Variants in GLG1 observed in about 807,000 individuals in gnomAD.
GLG1 encodes Golgi apparatus protein 1.
A neutral mutation model predicts 160.5 loss-of-function variants in GLG1; 38 were observed. The observed-to-expected ratio is 0.24, with a 90% CI of 0.18 to 0.31. The LOEUF (loss-of-function observed/expected upper bound fraction) is 0.31, where lower values mean the gene tolerates loss of function less well. GLG1 is among the 10% of genes least tolerant of loss of function. The pLI is 1.00. For synonymous variants in GLG1, 644 were observed against 543.4 expected (o/e 1.19, Z -2.57); for missense variants, 1,373 against 1,505.2 (o/e 0.91, Z 1.45).
chr16:74,591,285 C>G (rs972499178), intron 1 of GLG1, among the ~76,000 whole-genome samples: 1 of 151,022 alleles, frequency 6.6e-6, no homozygotes, highest in African/African-American at 2.4e-5. Context: ...GAGCCAACAT[C>G]GTGCCACTGC....
chr16:74,558,893 T>A (rs925967476), intron 1 of GLG1, among the ~76,000 whole-genome samples: 3 of 152,212 alleles, frequency 2.0e-5, no homozygotes, highest in Non-Finnish European at 4.4e-5. Context: ...TTTTTACTTT[T>A]TATATTTTCT....
chr16:74,464,688 C>T (rs1360338914), intron 19 of GLG1, among the ~76,000 whole-genome samples: 2 of 152,168 alleles, frequency 1.3e-5, no homozygotes, highest in East Asian at 1.9e-4. Context: ...TCCATTTTTA[C>T]ATATGACTCA....
chr16:74,562,097 A>G (rs2018529035), intron 1 of GLG1, among the ~76,000 whole-genome samples: 1 of 152,250 alleles, frequency 6.6e-6, no homozygotes, highest in African/African-American at 2.4e-5. Flanking sequence ...AACAGTAGCT[A>G]AAAGGTTGTC....
intron 2 of GLG1, among the ~76,000 whole-genome samples, chr16:74,529,812 C>CTTTT (rs1178684020): frequency 7.0e-4 from 81 of 115,760 alleles, no homozygotes; most frequent in African/African-American, 8.5e-4. Flanking sequence ...TTTGAGAGTT[C>CTTTT]TTTTTTTTTT....
At chr16:74,471,837 T>C (rs1473032928) in intron 14 of GLG1, among the ~76,000 whole-genome samples, 3 of 152,234 alleles carry the variant, frequency 2.0e-5, no homozygotes, top group Admixed American at 6.5e-5. Context: ...GCTGGCCACA[T>C]ACCTGTTTTT....
intron 8 of GLG1, among the ~76,000 whole-genome samples, chr16:74,490,016 G>A (rs2015927118): frequency 6.6e-6 from 1 of 152,160 alleles, no homozygotes. Flanking sequence ...GACTGATTGT[G>A]GCTTTCTAAA....
chr16:74,577,152 C>G (rs1209438128), intron 1 of GLG1, among the ~76,000 whole-genome samples: 1 of 152,160 alleles, frequency 6.6e-6, no homozygotes, highest in Non-Finnish European at 1.5e-5. Flanking sequence ...TCTCAAACTC[C>G]TGGGCTCAAG....
intron 2 of GLG1, among the ~76,000 whole-genome samples, chr16:74,512,365 G>A (rs1250422346): frequency 6.6e-6 from 1 of 151,470 alleles, no homozygotes; most frequent in African/African-American, 2.4e-5. Flanking sequence ...CCGGGTTCAA[G>A]CAATTCTCCT....
chr16:74,451,762 T>C lies in GLG1; in HGVS notation c.*1405A>G. Reference sequence around the variant, plus strand: ...ACCAAAGGAGTGCCACGCTGAACCATGATGCCCGGACCCCTCCCTCTCACA... The same window carrying C: ...ACCAAAGGAGTGCCACGCTGAACCACGATGCCCGGACCCCTCCCTCTCACA... On this transcript the variant is annotated 3_prime_UTR_variant, in exon 26 of 26. Coordinates refer to ENST00000422840, the MANE Select transcript of GLG1 (RefSeq NM_001145667.2). The C allele has an allele frequency of 2.6e-6, 1 of 382,948 alleles. No homozygotes were observed. Among genetic ancestry groups the C allele is most frequent in the Non-Finnish European group, 4.9e-6 (1 of 203,750 alleles). The allele number at this position is 382,948 out of a possible 1,614,324, so 23.7% of individuals were successfully genotyped here. A position where few individuals can be genotyped will look rare whatever the true frequency, so the allele number is the denominator to read the frequency against.
At chr16:74,573,359 TACA>T (rs778452316) in intron 1 of GLG1, among the ~76,000 whole-genome samples, 1 of 152,116 alleles carries the variant, frequency 6.6e-6, no homozygotes, top group Non-Finnish European at 1.5e-5. Context: ...GCTTTTTAAG[TACA>T]ATAATAATCG....
chr16:74,456,543 A>T, intron 25 of GLG1, 106 bp downstream of exon 25: 1 of 745,242 alleles, frequency 1.3e-6, no homozygotes, highest in Non-Finnish European at 2.4e-6. Flanking sequence ...CTGGACAGCC[A>T]CAGCGAGGAG....
chr16:74,465,801 G>A lies in GLG1; in HGVS notation c.2542C>T (p.Leu848=), dbSNP rs1447659143. 1 of 1,613,630 alleles carries A rather than the reference G, an allele frequency of 6.2e-7. No homozygotes were observed. Among genetic ancestry groups the A allele is most frequent in the East Asian group, 2.2e-5 (1 of 44,868 alleles). ...CTTAGCTGCTTCTTGTTTTCTTTCAGACATTCGATAATCTATGGCAAAAGA... is the reference window on the plus strand; with the variant it reads ...CTTAGCTGCTTCTTGTTTTCTTTCAAACATTCGATAATCTATGGCAAAAGA... ...QYGNAQIIEC[L]KENKKQLSTR... The change falls in exon 19 of 26, where the codon CTG becomes TTG. Residue 848 remains leucine (L), a synonymous_variant. Transcript: ENST00000422840.
intron 2 of GLG1, among the ~76,000 whole-genome samples, chr16:74,529,213 C>G (rs1179160433): frequency 6.6e-6 from 1 of 152,068 alleles, no homozygotes; most frequent in African/African-American, 2.4e-5. Context: ...AAGTAATCCA[C>G]CTGTCTTGAC....
intron 20 of GLG1, 63 bp from the exon 21 acceptor site, chr16:74,462,693 T>C (rs2014850127): frequency 6.8e-7 from 1 of 1,474,500 alleles, no homozygotes; most frequent in Non-Finnish European, 9.5e-7. Flanking sequence ...TTTTTAGATA[T>C]CCACCTTCCT....
intron 1 of GLG1, among the ~76,000 whole-genome samples, chr16:74,535,196 A>G (rs1356732021): frequency 1.3e-5 from 2 of 152,316 alleles, no homozygotes; most frequent in South Asian, 2.1e-4. Context: ...AATGACTAAT[A>G]TATCTATCAA....
chr16:74,597,185 C>T (rs1958326145), intron 1 of GLG1, among the ~76,000 whole-genome samples: 1 of 151,716 alleles, frequency 6.6e-6, no homozygotes, highest in Non-Finnish European at 1.5e-5. Context: ...GTAATCCCAG[C>T]ACTTTGGGAG....
rs2014156905 is a variant in GLG1, at chr16:74,448,534, G to A, written c.*4633C>T. On this transcript the variant is annotated 3_prime_UTR_variant, in exon 26 of 26. Transcript: ENST00000422840. ...TGAGGCCAAGGTGGGTGGACCACAT[G>A]TGGTCAGGAGTTCGAAACCAGCGTG... 1 of 152,194 alleles carries A rather than the reference G, an allele frequency of 6.6e-6. No homozygotes were observed. The highest frequency in any genetic ancestry group is 2.4e-5 in the African/African-American group (1 of 41,450). 9.4% of individuals were successfully genotyped at this position (152,194 alleles called of 1,614,324 possible).
chr16:74,465,543 AG>A (rs2014968507), intron 19 of GLG1, 132 bp downstream of exon 19: 1 of 854,626 alleles, frequency 1.2e-6, no homozygotes, highest in Non-Finnish European at 1.9e-6. Context: ...GCAGGCTCCC[AG>A]GGGGTGCTGC....
chr16:74,571,402 C>G (rs570835200), intron 1 of GLG1, among the ~76,000 whole-genome samples: 1 of 152,140 alleles, frequency 6.6e-6, no homozygotes, highest in South Asian at 2.1e-4. Flanking sequence ...GGACCGGGTA[C>G]AGAGGCTCAC....
Sources: allele counts gnomAD v4.1 joint callset (sites outside exome capture counted in the v4.1 genomes callset), GRCh38; gene constraint gnomAD v4.1.1; transcripts MANE v1.5; gene names NCBI Gene and HGNC (gene_info 2026-07-23, HGNC 2026-07-21).